GBF1: variants seen among roughly 807,000 people sequenced by gnomAD.
GBF1 encodes golgi brefeldin A resistant guanine nucleotide exchange factor 1, also known as Golgi-specific brefeldin A-resistance guanine nucleotide exchange factor 1.
In GBF1, 114 loss-of-function variants were observed where a neutral mutation model predicts 210.5. That is an observed-to-expected ratio of 0.54 (90% CI 0.47 to 0.63). The LOEUF (loss-of-function observed/expected upper bound fraction) is 0.63, where lower values mean the gene tolerates loss of function less well. Among genes scored for constraint, GBF1 ranks in the 30% least tolerant of loss-of-function variants. The pLI is 0.00. For missense variants in GBF1, 1,851 were observed against 2,357.7 expected (o/e 0.79, Z 4.45); for synonymous variants, 850 against 889.2 (o/e 0.96, Z 0.78).
At chr10:102,301,754 G>A (rs1296878891) in intron 3 of GBF1, among the ~76,000 whole-genome samples, 1 of 151,940 alleles carries the variant, frequency 6.6e-6, no homozygotes, top group East Asian at 1.9e-4. Flanking sequence ...GATGGCGGCC[G>A]GGAAGAGGCG....
intron 29 of GBF1, among the ~76,000 whole-genome samples, chr10:102,372,352 C>A (rs1366988932): frequency 6.6e-6 from 1 of 151,612 alleles, no homozygotes; most frequent in Admixed American, 6.6e-5. Flanking sequence ...CTCGTCTCTA[C>A]TAAAAATACA....
rs112187410 is a variant in GBF1, at chr10:102,245,970, C to T, written c.-11+189C>T. On this transcript the variant is annotated intron_variant, in intron 1 of 39. Coordinates refer to ENST00000369983, the MANE Select transcript of GBF1 (RefSeq NM_001377137.1). ...AGGTATGCAGGGGCAAAGGTCATGC[C>T]TCTGCCGCAGGAGGGGCGATTTCTG... Among the ~76,000 whole-genome samples the T allele has an allele frequency of 5.9e-5, 9 of 152,276 alleles. 1 individual carries two copies. The highest frequency in any genetic ancestry group is 1.7e-4 in the African/African-American group (7 of 41,568).
At chr10:102,344,004 GTTTTCTCT>G (rs2058366897) in intron 3 of GBF1, 39 bp from the exon 4 acceptor site, 4 of 1,575,578 alleles carry the variant, frequency 2.5e-6, no homozygotes, top group Non-Finnish European at 3.5e-6. Context: ...CCAGGGTTTA[GTTTTCTCT>G]TAGATGATAC....
intron 3 of GBF1, among the ~76,000 whole-genome samples, chr10:102,323,922 C>T (rs2056664377): frequency 6.6e-6 from 1 of 152,116 alleles, no homozygotes. Context: ...TGGCCCTGTT[C>T]TTCTGAACCC....
Position 102,363,153 on chromosome 10 carries a change from C to A in GBF1, c.1877-103C>A. On this transcript the variant is annotated intron_variant, in intron 15 of 39. Coordinates refer to ENST00000369983, the MANE Select transcript of GBF1 (RefSeq NM_001377137.1). This position sits in a 1 kb window ranked among gnomAD's most constrained non-coding sequence, Gnocchi z 4.2. ...TCCTGCTCAGGGCTGGCGCCCTGTG[C>A]AGGAACCATGCAGGTCTTCTGGGCT... 1 of 1,106,380 alleles carries A rather than the reference C, an allele frequency of 9.0e-7. No homozygotes were observed. The highest frequency in any genetic ancestry group is 1.3e-6 in the Non-Finnish European group (1 of 780,984). The allele number at this position is 1,106,380 out of a possible 1,614,324, so 68.5% of individuals were successfully genotyped here.
intron 1 of GBF1, among the ~76,000 whole-genome samples, chr10:102,250,898 A>T (rs551958356): frequency 1.3e-5 from 2 of 152,192 alleles, no homozygotes; most frequent in Non-Finnish European, 2.9e-5. Flanking sequence ...TGGAGGTTGC[A>T]GTGAGCCGAG....
intron 3 of GBF1, among the ~76,000 whole-genome samples, chr10:102,313,231 G>A (rs1456531007): frequency 6.6e-6 from 1 of 152,198 alleles, no homozygotes; most frequent in Non-Finnish European, 1.5e-5. Context: ...CTTTAGGCGA[G>A]TGGCACTAAC....
At position 102,366,526 on chromosome 10, in the gene GBF1, G is replaced by T. The variant is rs754014077; in HGVS notation, c.2433+20G>T. ...TGGATGGTGAGTTTGAGTGTCAGGG[G>T]CTGAGCCCAGGATCCAAGGTCAGTT... On this transcript the variant is annotated intron_variant, in intron 19 of 39. Transcript: ENST00000369983. This position sits in a 1 kb window ranked among gnomAD's most constrained non-coding sequence, Gnocchi z 4.0. The T allele has an allele frequency of 2.6e-5, 42 of 1,611,966 alleles. No homozygotes were observed. The African/African-American group carries it at 4.7e-4, about 18-fold the overall frequency.
intron 3 of GBF1, among the ~76,000 whole-genome samples, chr10:102,263,401 C>T (rs2073467522): frequency 6.6e-6 from 1 of 152,162 alleles, no homozygotes. Flanking sequence ...GACTTCTACC[C>T]AGTTTCTCAT....
chr10:102,305,540 G>T (rs144431176), intron 3 of GBF1, among the ~76,000 whole-genome samples: 309 of 152,124 alleles, frequency 2.0e-3, no homozygotes, highest in African/African-American at 7.1e-3. Context: ...AACCCAGGAG[G>T]CACAGGTTGA....
intron 3 of GBF1, among the ~76,000 whole-genome samples, chr10:102,341,311 G>A (rs2058169806): frequency 6.6e-6 from 1 of 152,224 alleles, no homozygotes. Flanking sequence ...ACAAAGTACT[G>A]AAGAGGATGT....
At chr10:102,258,791 AAAAGAAAG>A (rs1189324559) in intron 1 of GBF1, 130 bp from the exon 2 acceptor site, 8 of 476,608 alleles carry the variant, frequency 1.7e-5, no homozygotes, top group Middle Eastern at 6.1e-4. Context: ...AAAAAAAAAA[AAAAGAAAG>A]AAAGAAAGAA....
chr10:102,381,971 C>G, intron 39 of GBF1, 85 bp from the exon 40 acceptor site: 1 of 1,214,016 alleles, frequency 8.2e-7, no homozygotes, highest in East Asian at 2.4e-5. Context: ...GGAACAGAGA[C>G]TCTATAAGCA....
chr10:102,371,787 G>A (rs1173614290), intron 29 of GBF1, among the ~76,000 whole-genome samples: 1 of 152,064 alleles, frequency 6.6e-6, no homozygotes, highest in Non-Finnish European at 1.5e-5. Context: ...AAATTAGCAG[G>A]GTGTGGTGGC....
intron 3 of GBF1, among the ~76,000 whole-genome samples, chr10:102,261,436 G>A (rs983525257): frequency 1.3e-5 from 2 of 152,030 alleles, no homozygotes; most frequent in African/African-American, 4.8e-5. Flanking sequence ...TTTGGCTAGT[G>A]ACATATGTCA....
chr10:102,302,210 C>T (rs1429278707), intron 3 of GBF1, among the ~76,000 whole-genome samples: 3 of 151,756 alleles, frequency 2.0e-5, no homozygotes, highest in Non-Finnish European at 2.9e-5. Flanking sequence ...GCCGAGATGG[C>T]GGGAGTACAG....
At chr10:102,320,832 G>C (rs1388146309) in intron 3 of GBF1, among the ~76,000 whole-genome samples, 1 of 150,912 alleles carries the variant, frequency 6.6e-6, no homozygotes, top group African/African-American at 2.4e-5. Context: ...CTGTCGCCCA[G>C]ACTGGAGTGC....
chr10:102,358,284 G>A, intron 9 of GBF1, 98 bp downstream of exon 9: 1 of 1,141,294 alleles, frequency 8.8e-7, no homozygotes, highest in African/African-American at 1.5e-5. Flanking sequence ...GAGGGGCTTT[G>A]GTCTTGGCGC....
upstream of GBF1, among the ~76,000 whole-genome samples, chr10:102,243,285 C>T (rs966914579): frequency 1.3e-5 from 2 of 152,176 alleles, no homozygotes; most frequent in Admixed American, 6.5e-5. Flanking sequence ...CACCACCCAC[C>T]ATATTGAAGG....
Sources: allele counts gnomAD v4.1 joint callset (sites outside exome capture counted in the v4.1 genomes callset), GRCh38; gene constraint gnomAD v4.1.1; non-coding constraint Gnocchi (gnomAD v3.1); transcripts MANE v1.5; gene names NCBI Gene and HGNC (gene_info 2026-07-23, HGNC 2026-07-21).